The following SDS variants were observed in gnomAD, a reference collection of about 807,000 sequenced individuals.
SDS encodes L-serine dehydratase/L-threonine deaminase.
In SDS, 19 loss-of-function variants were observed where a neutral mutation model predicts 29.3. That is an observed-to-expected ratio of 0.65 (90% CI 0.45 to 0.95). The LOEUF is 0.95. Ranked by LOEUF, SDS falls within the 40% of genes least tolerant of loss-of-function variation. The pLI, the probability that SDS is intolerant of heterozygous loss-of-function variation, is 0.00. For synonymous variants in SDS, 176 were observed against 189.0 expected (o/e 0.93, Z 0.56); for missense variants, 375 against 439.9 (o/e 0.85, Z 1.32).
Position 113,397,336 on chromosome 12 carries a change from C to T in SDS, c.482G>A (p.Gly161Glu). The T allele has an allele frequency of 6.2e-7, 1 of 1,613,744 alleles. No individual in the cohort carries two copies. Among genetic ancestry groups the T allele is most frequent in the Non-Finnish European group, 8.5e-7 (1 of 1,179,692 alleles). Residue 161 changes from glycine to glutamate, a missense_variant, in exon 6 of 8, where the codon GGG (glycine) becomes GAG (glutamate). Coordinates refer to ENST00000257549, the MANE Select transcript of SDS (RefSeq NM_006843.3). ...GCCGCCCACTGACAGCGCGATGGCC[C>T]CCGGCTTTTCCCACAGTGTCTCCTT... is the stretch of plus-strand genomic sequence containing the variant. ...ELKETLWEKP[G>E]AIALSVGGGG...
At position 113,399,692 on chromosome 12, in the gene SDS, G is replaced by T. The variant is rs576542510; in HGVS notation, c.17C>A (p.Pro6His). 1.3e-5 allele frequency: 20 copies of T among 1,591,294 alleles called. No individual in the cohort carries two copies. The highest frequency in any genetic ancestry group is 2.3e-4 in the Middle Eastern group (1 of 4,428). The part of the protein sequence containing the change: MMSGE[P>H]LHVKTPIRDS... ...ACGGATGGGGGTCTTCACGTGCAGG[G>T]GTTCTCCAGACATCATTCCTGGGAG... Residue 6 changes from proline (P) to histidine (H), a missense_variant, in exon 2 of 8, where the codon CCC becomes CAC. By Grantham distance (77) the Pro-to-His change is moderately conservative (BLOSUM62 -2). Coordinates refer to ENST00000257549, the MANE Select transcript of SDS (RefSeq NM_006843.3).
chr12:113,399,190 C>T (rs1190966171), intron 2 of SDS, 39 bp from the exon 3 acceptor site: 1 of 1,607,330 alleles, frequency 6.2e-7, no homozygotes, highest in Admixed American at 1.7e-5. Context: ...GCCCACCTCC[C>T]AGTCATTGCC....
In SDS at chr12:113,397,224, G is replaced by A. The variant is rs1230879378; in HGVS notation, c.594C>T (p.Ala198=). The A allele has an allele frequency of 6.2e-7, 1 of 1,614,078 alleles. No homozygotes were observed. Among genetic ancestry groups the A allele is most frequent in the African/African-American group, 1.3e-5 (1 of 74,952 alleles). Residue 198 remains alanine, a synonymous_variant, in exon 6 of 8, where the codon GCC becomes GCT. Transcript: ENST00000257549. ...CGGTGGTGGCAGCGTGGAAGCTGTG[G>A]GCACCAAAAGTCTCCATGGCGATGA... The part of the protein sequence containing the change: ...VPVIAMETFG[A]HSFHAATTAG...
rs1238922459 is a variant in SDS, at chr12:113,394,018, TGA to T, written c.654-4_654-3del. 1 of 1,611,948 alleles carries T rather than the reference TGA, an allele frequency of 6.2e-7. No homozygotes were observed. Among genetic ancestry groups the T allele is most frequent in the East Asian group, 2.2e-5 (1 of 44,744 alleles). On this transcript the variant is annotated splice_polypyrimidine_tract_variant and splice_region_variant and intron_variant, in intron 6 of 7. Transcript: ENST00000257549. The stretch of plus-strand genomic sequence containing the variant: ...TTCACGCCCAGGGCCTTGGCAACAC[TGA>T]GAGAAGTGGGAACCCAGAAGAGGAT...
Position 113,399,714 on chromosome 12 carries a change from GGAGAAAGGAA to G in SDS, c.-2-14_-2-5del. 1 of 1,565,112 alleles carries G rather than the reference GGAGAAAGGAA, an allele frequency of 6.4e-7. No individual in the cohort carries two copies. Among genetic ancestry groups the G allele is most frequent in the East Asian group, 2.3e-5 (1 of 43,402 alleles). On this transcript the variant is annotated splice_polypyrimidine_tract_variant and splice_region_variant and intron_variant, in intron 1 of 7. Transcript: ENST00000257549. ...AGGGGTTCTCCAGACATCATTCCTGGGAGAAAGGAAGGAAACCCAGAGGGTTAGGAGAGCT... is the reference window on the plus strand; with the variant it reads ...AGGGGTTCTCCAGACATCATTCCTGGGGAAACCCAGAGGGTTAGGAGAGCT...
chr12:113,399,909 A>G (rs1342458968), intron 1 of SDS, among the ~76,000 whole-genome samples, 199 bp from the exon 2 acceptor site: 2 of 152,210 alleles, frequency 1.3e-5, no homozygotes, highest in Non-Finnish European at 2.9e-5. Context: ...CCTTGGCCTC[A>G]GCTCTATCAG....
chr12:113,397,040 G>T, intron 6 of SDS, 125 bp downstream of exon 6: 2 of 878,990 alleles, frequency 2.3e-6, no homozygotes, highest in Non-Finnish European at 3.6e-6. Flanking sequence ...CCCTGGGCAA[G>T]CGATCAAAGC....
chr12:113,394,283 T>A (rs2136932264), intron 6 of SDS, among the ~76,000 whole-genome samples: 1 of 152,078 alleles, frequency 6.6e-6, no homozygotes, highest in African/African-American at 2.4e-5. Flanking sequence ...TTTTTGAGAC[T>A]GAGTGTCACT....
chr12:113,399,037 C>CT, intron 3 of SDS, 75 bp downstream of exon 3: 1 of 1,594,876 alleles, frequency 6.3e-7, no homozygotes, highest in South Asian at 1.1e-5. Context: ...GCTGGGGAAA[C>CT]CAGGGCTCAG....
chr12:113,402,771 C>T (rs776092187), intron 1 of SDS, among the ~76,000 whole-genome samples: 2 of 152,154 alleles, frequency 1.3e-5, no homozygotes, highest in East Asian at 1.9e-4. Context: ...CTCCCTCTGC[C>T]GCGGCTTTCC....
intron 5 of SDS, among the ~76,000 whole-genome samples, 155 bp from the exon 6 acceptor site, chr12:113,397,547 G>A (rs965711721): frequency 2.6e-5 from 4 of 152,240 alleles, no homozygotes; most frequent in Non-Finnish European, 5.9e-5. Context: ...CTGTGTCTCT[G>A]CCTGAGGACC....
At chr12:113,403,159 C>G (rs1355613246) in intron 1 of SDS, among the ~76,000 whole-genome samples, 1 of 152,104 alleles carries the variant, frequency 6.6e-6, no homozygotes, top group Non-Finnish European at 1.5e-5. Flanking sequence ...CAAGGTCTTG[C>G]TGTGTCACCC....
chr12:113,398,657 G>T, intron 4 of SDS, 50 bp downstream of exon 4: 1 of 1,606,940 alleles, frequency 6.2e-7, no homozygotes, highest in Non-Finnish European at 8.5e-7. Context: ...GGGGCACCCT[G>T]TCCAGCCACC....
chr12:113,398,845 C>G lies in SDS; in HGVS notation c.195G>C (p.Ala65=). The G allele has an allele frequency of 6.2e-7, 1 of 1,602,078 alleles. No homozygotes were observed. The highest frequency in any genetic ancestry group is 8.5e-7 in the Non-Finnish European group (1 of 1,174,580). Residue 65 remains alanine, a splice_region_variant and synonymous_variant, in exon 4 of 8, where the codon GCG becomes GCC. Transcript: ENST00000257549. ...QGCAHFVCSS[A]GNAGMAAAYA... ...ATGCAGCCGCCATGCCTGCGTTGCC[C>G]GCTGCCAGGGTCGGGGGTGGAGAGC...
At position 113,401,123 on chromosome 12, in the gene SDS, A is replaced by G. The variant is rs547789669; in HGVS notation, c.-2-1413T>C. On this transcript the variant is annotated intron_variant, in intron 1 of 7. Transcript: ENST00000257549. ...ATCGAGACTCTGTCTCAAACAAACA[A>G]ACAAACAAACAAAAACAACCTGGCA... 2.3e-4 allele frequency among the ~76,000 whole-genome samples: 35 copies of G among 152,220 alleles called. 1 individual carries two copies. The highest frequency in any genetic ancestry group is 3.9e-4 in the Admixed American group (6 of 15,278).
rs1017798463 is a variant in SDS at position 113,392,932 on chromosome 12, G to C, written c.*9C>G. 3 of 1,613,176 alleles carry C rather than the reference G, an allele frequency of 1.9e-6. No homozygotes were observed. In the East Asian group the frequency reaches 6.7e-5, roughly 36 times the overall value. The stretch of plus-strand genomic sequence containing the variant: ...GCTAGGAGAGCACAGATCGGTAAGG[G>C]GTCCGTCCTCACTTGGGCAACCTAT... On this transcript the variant is annotated 3_prime_UTR_variant, in exon 8 of 8. Transcript: ENST00000257549.
intron 6 of SDS, among the ~76,000 whole-genome samples, chr12:113,396,039 C>T (rs894923561): frequency 1.4e-4 from 22 of 152,174 alleles, no homozygotes; most frequent in East Asian, 7.7e-4. Flanking sequence ...GCAGAGGTTG[C>T]GGTGAGCTGA....
chr12:113,399,582 G>A lies in SDS; in HGVS notation c.127C>T (p.Arg43Trp), dbSNP rs761245173. ...SAQPSGSFKIRGIGHFCKRWA... is the reference protein window; with the variant it reads ...SAQPSGSFKIWGIGHFCKRWA... ...CTCTTGCAGAAGTGCCCAATGCCCCGGATCTTGAAGGAGCCGGAGGGCTGG... is the reference window on the plus strand; with the variant it reads ...CTCTTGCAGAAGTGCCCAATGCCCCAGATCTTGAAGGAGCCGGAGGGCTGG... The change falls in exon 2 of 8, where the codon CGG becomes TGG. Residue 43 changes from arginine to tryptophan, a missense_variant. By Grantham distance (101) the Arg-to-Trp change is moderately radical. Coordinates refer to ENST00000257549, the MANE Select transcript of SDS (RefSeq NM_006843.3). 11 of 1,599,738 alleles carry A rather than the reference G, an allele frequency of 6.9e-6. No individual in the cohort carries two copies. The highest frequency in any genetic ancestry group is 8.5e-6 in the Non-Finnish European group (10 of 1,174,892).
At chr12:113,403,048 C>T (rs142548498) in intron 1 of SDS, among the ~76,000 whole-genome samples, 192 of 152,284 alleles carry the variant, frequency 1.3e-3, no homozygotes, top group African/African-American at 4.2e-3. Flanking sequence ...AGGAGGAAGG[C>T]GCTATGCTCA....
Sources: gnomAD v4.1 joint callset for allele counts (sites outside exome capture counted in the v4.1 genomes callset) on GRCh38, gnomAD v4.1.1 for gene constraint, MANE v1.5 for transcripts, NCBI Gene and HGNC (gene_info 2026-07-23, HGNC 2026-07-21) for gene names.